Variants in ERFE observed in about 807,000 individuals in gnomAD.
The protein encoded by ERFE is erythroferrone, also known as complement C1q tumor necrosis factor-related protein 15.
Under a neutral mutation model 26.6 loss-of-function variants are expected in ERFE, and 25 were observed. That is an observed-to-expected ratio of 0.94 (90% CI 0.69 to 1.31). The LOEUF is 1.31. Among genes scored for constraint, ERFE ranks in the 40% most tolerant of loss-of-function variants. The pLI is 0.00. For missense variants in ERFE, 447 were observed against 440.2 expected (o/e 1.02, Z -0.14); for synonymous variants, 206 against 204.5 (o/e 1.01, Z -0.06).
intron 4 of ERFE, 21 bp downstream of exon 4, chr2:238,164,020 G>C (rs1692986034): frequency 4.4e-6 from 6 of 1,374,986 alleles, no homozygotes; most frequent in Non-Finnish European, 5.6e-6. Context: ...GCGCGCGGGA[G>C]GGCGGGTGAG....
Position 238,167,233 on chromosome 2 carries a change from G to C in ERFE, c.*179G>C. The C allele has an allele frequency of 1.4e-6, 1 of 730,634 alleles. No homozygotes were observed. Among genetic ancestry groups the C allele is most frequent in the Non-Finnish European group, 2.4e-6 (1 of 411,424 alleles). 45.3% of individuals were successfully genotyped at this position (730,634 alleles called of 1,614,324 possible). A position where few individuals can be genotyped will look rare whatever the true frequency, so the allele number is the denominator to read the frequency against. On this transcript the variant is annotated 3_prime_UTR_variant, in exon 8 of 8. Transcript: ENST00000546354. Reference sequence around the variant, plus strand: ...GCAGGCAGGCCTACGGACGTGACACGCACGCTGGTGGTCCCGGAGCCAGGG... The same window carrying C: ...GCAGGCAGGCCTACGGACGTGACACCCACGCTGGTGGTCCCGGAGCCAGGG...
chr2:238,166,984 A>G lies in ERFE; in HGVS notation c.995A>G (p.Asp332Gly). Reference protein sequence around the residue: ...QMGQWTSVFLDNASGCSLTVR... With the variant: ...QMGQWTSVFLGNASGCSLTVR... The stretch of plus-strand genomic sequence containing the variant: ...GGGCAGTGGACCTCCGTGTTCTTGG[A>G]CAACGCCAGCGGCTGCTCCCTCACA... Residue 332 changes from aspartate (D) to glycine (G), a missense_variant, in exon 8 of 8, where the codon GAC becomes GGC. Asp to Gly is a moderately conservative substitution (Grantham distance 94). Coordinates refer to ENST00000546354, the MANE Select transcript of ERFE (RefSeq NM_001291832.2). 1 of 1,550,536 alleles carries G rather than the reference A, an allele frequency of 6.4e-7. No homozygotes were observed. Among genetic ancestry groups the G allele is most frequent in the South Asian group, 1.2e-5 (1 of 84,068 alleles).
chr2:238,161,442 C>T (rs961505380), intron 1 of ERFE, among the ~76,000 whole-genome samples, 152 bp from the exon 2 acceptor site: 2 of 152,146 alleles, frequency 1.3e-5, no homozygotes, highest in Admixed American at 1.3e-4. Flanking sequence ...GGGTTGGGGC[C>T]CCTTTGGGAG....
chr2:238,161,565 A>G, intron 1 of ERFE, 29 bp from the exon 2 acceptor site: 3 of 1,507,052 alleles, frequency 2.0e-6, no homozygotes, highest in South Asian at 1.2e-5. Flanking sequence ...AGTGAGGCCA[A>G]CCGCCCTGCT....
At chr2:238,163,152 G>A (rs13415808) in intron 3 of ERFE, among the ~76,000 whole-genome samples, 10,393 of 152,270 alleles carry the variant, frequency 0.068, 538 homozygotes, top group African/African-American at 0.15. Flanking sequence ...TGCCCTGCCT[G>A]GAAGTCAGGA....
rs1479675187 is a variant in ERFE, at chr2:238,168,698, T to C, written c.*1644T>C. ...GGCTGGCCTGGGTACTGCATCCGTG[T>C]GTTTTGATAAGGGGGTGATGTGGCC... On this transcript the variant is annotated 3_prime_UTR_variant, in exon 8 of 8. Coordinates refer to ENST00000546354, the MANE Select transcript of ERFE (RefSeq NM_001291832.2). 3.2e-6 allele frequency: 1 copy of C among 311,510 alleles called. No homozygotes were observed. The highest frequency in any genetic ancestry group is 6.4e-6 in the Non-Finnish European group (1 of 155,840). 19.3% of individuals were successfully genotyped at this position (311,510 alleles called of 1,614,324 possible).
intron 7 of ERFE, among the ~76,000 whole-genome samples, chr2:238,166,046 C>T (rs1693030676): frequency 6.6e-6 from 1 of 152,216 alleles, no homozygotes; most frequent in Non-Finnish European, 1.5e-5. Context: ...GGAATGGAGG[C>T]CAGCACTCTG....
Position 238,167,388 on chromosome 2 carries a change from G to A in ERFE, c.*334G>A, listed in dbSNP as rs777752247. ...CTCAGCACCTGCCCAGATGGCCTCT[G>A]CGTCTTTCCTGTGCCCAGCCCCACC... On this transcript the variant is annotated 3_prime_UTR_variant, in exon 8 of 8. Coordinates refer to ENST00000546354, the MANE Select transcript of ERFE (RefSeq NM_001291832.2). 4 of 586,884 alleles carry A rather than the reference G, an allele frequency of 6.8e-6. No homozygotes were observed. The highest frequency in any genetic ancestry group is 2.6e-4 in the Middle Eastern group (1 of 3,812). 36.4% of individuals were successfully genotyped at this position (586,884 alleles called of 1,614,324 possible).
Position 238,165,593 on chromosome 2 carries a change from G to A in ERFE, c.888-13G>A, listed in dbSNP as rs1212515790. The A allele has an allele frequency of 1.3e-5, 20 of 1,543,768 alleles. No homozygotes were observed. Among genetic ancestry groups the A allele is most frequent in the Middle Eastern group, 1.7e-4 (1 of 5,940 alleles). ...CATGGGGCAGGCTGACCCTCCCTCT[G>A]TTTTGGGTACAGCTCCCTGGAGGCC... On this transcript the variant is annotated splice_polypyrimidine_tract_variant and intron_variant, in intron 6 of 7. Coordinates refer to ENST00000546354, the MANE Select transcript of ERFE (RefSeq NM_001291832.2).
chr2:238,161,358 A>G (rs1692935895), intron 1 of ERFE, among the ~76,000 whole-genome samples: 2 of 152,182 alleles, frequency 1.3e-5, no homozygotes, highest in African/African-American at 4.8e-5. Flanking sequence ...CTCTCCCATG[A>G]GTGCCAAGTC....
At position 238,159,067 on chromosome 2, in the gene ERFE, G is replaced by GGCCGCC. The variant is rs1377321778; in HGVS notation, c.69_74dup (p.Ala24_Ala25dup). On this transcript the variant is annotated inframe_insertion, in exon 1 of 8. Coordinates refer to ENST00000546354, the MANE Select transcript of ERFE (RefSeq NM_001291832.2). ...TGCTGCTCGTCTACGCGGGCCTGCT[G>GGCCGCC]GCCGCCGCCGCCGCGGGCCTGGGGT... is the stretch of plus-strand genomic sequence containing the variant. 4.2e-6 allele frequency: 1 copy of GGCCGCC among 237,060 alleles called. No individual in the cohort carries two copies. Among genetic ancestry groups the GGCCGCC allele is most frequent in the Admixed American group, 5.7e-5 (1 of 17,550 alleles). 14.7% of individuals were successfully genotyped at this position (237,060 alleles called of 1,614,324 possible). A position where few individuals can be genotyped will look rare whatever the true frequency, so the allele number is the denominator to read the frequency against.
chr2:238,167,292 G>C lies in ERFE; in HGVS notation c.*238G>C, dbSNP rs1559283506. The stretch of plus-strand genomic sequence containing the variant: ...GGACACCATCTTGGGCTCTTATCCA[G>C]GAAAGAAAGAGTCGGCGTGCCTGGG... On this transcript the variant is annotated 3_prime_UTR_variant, in exon 8 of 8. Coordinates refer to ENST00000546354, the MANE Select transcript of ERFE (RefSeq NM_001291832.2). The C allele has an allele frequency of 7.1e-6, 5 of 699,834 alleles. No individual in the cohort carries two copies. Among genetic ancestry groups the C allele is most frequent in the Non-Finnish European group, 1.3e-5 (5 of 383,986 alleles). The allele number at this position is 699,834 out of a possible 1,614,324, so 43.4% of individuals were successfully genotyped here. A position where few individuals can be genotyped will look rare whatever the true frequency, so the allele number is the denominator to read the frequency against.
In ERFE at chr2:238,161,638, C is replaced by A. The variant is rs1225595833; in HGVS notation, c.243C>A (p.Ala81=). 1.9e-6 allele frequency: 3 copies of A among 1,547,228 alleles called. No homozygotes were observed. Among genetic ancestry groups the A allele is most frequent in the Non-Finnish European group, 1.7e-6 (2 of 1,144,344 alleles). ...ERAHSVDPRD[A]WMLFVRQSDK... ...CACACAGCGTCGACCCCCGGGACGC[C>A]TGGATGCTCTTCGTCAGGCAGAGTG... The change falls in exon 2 of 8, where the codon GCC becomes GCA. Residue 81 remains alanine (A), a synonymous_variant. Coordinates refer to ENST00000546354, the MANE Select transcript of ERFE (RefSeq NM_001291832.2).
At position 238,161,644 on chromosome 2, in the gene ERFE, GCT is replaced by G; in HGVS notation, c.252_253del (p.Phe85ArgfsTer5). ...GCGTCGACCCCCGGGACGCCTGGAT[GCT>G]CTTCGTCAGGCAGAGTGACAAGGGT... ...HSVDPRDAWM[L>X]FVRQSDKGVN... is the part of the protein sequence containing the mutation. On this transcript the variant is annotated frameshift_variant, in exon 2 of 8. Coordinates refer to ENST00000546354, the MANE Select transcript of ERFE (RefSeq NM_001291832.2). LOFTEE classifies it high-confidence loss of function. 1 of 1,547,426 alleles carries G rather than the reference GCT, an allele frequency of 6.5e-7. No individual in the cohort carries two copies.
chr2:238,161,789 T>C (rs1053428574), intron 2 of ERFE, 73 bp downstream of exon 2: 1 of 1,467,204 alleles, frequency 6.8e-7, no homozygotes. Context: ...CTCCCACTCC[T>C]ACATCCTGAA....
rs1574770506 is a variant in ERFE at position 238,166,976 on chromosome 2, G to A, written c.987G>A (p.Val329=). 6.4e-7 allele frequency: 1 copy of A among 1,550,536 alleles called. No individual in the cohort carries two copies. Among genetic ancestry groups the A allele is most frequent in the East Asian group, 2.4e-5 (1 of 40,924 alleles). ...TGCAGATGGGGCAGTGGACCTCCGT[G>A]TTCTTGGACAACGCCAGCGGCTGCT... The part of the protein sequence containing the change: ...LYLQMGQWTS[V]FLDNASGCSL... Residue 329 remains valine, a synonymous_variant, in exon 8 of 8, where the codon GTG becomes GTA. Coordinates refer to ENST00000546354, the MANE Select transcript of ERFE (RefSeq NM_001291832.2).
Position 238,161,732 on chromosome 2 carries a change from C to T in ERFE, c.321+16C>T, listed in dbSNP as rs1389602473. 1.0e-4 allele frequency: 157 copies of T among 1,536,374 alleles called. No homozygotes were observed. Among genetic ancestry groups the T allele is most frequent in the Middle Eastern group, 1.7e-4 (1 of 5,972 alleles). On this transcript the variant is annotated intron_variant, in intron 2 of 7. Coordinates refer to ENST00000546354, the MANE Select transcript of ERFE (RefSeq NM_001291832.2). ...GAAGCTGAAGGTGAGGCCGGCATCC[C>T]GTCAGTGCCAGGCCGTGGGGGGTTC... is the stretch of plus-strand genomic sequence containing the variant.
Position 238,161,033 on chromosome 2 carries a change from A to G in ERFE, c.199-561A>G, listed in dbSNP as rs930076554. Among the ~76,000 whole-genome samples, 24 of 152,358 alleles carry G rather than the reference A, an allele frequency of 1.6e-4. No individual in the cohort carries two copies. In the South Asian group the frequency reaches 2.5e-3, roughly 16 times the overall value. ...AAGTCTCACACAGAGGCCTCGCGTC[A>G]TGACAGCTCGCCTGGTCCTCTCCCC... On this transcript the variant is annotated intron_variant, in intron 1 of 7. Coordinates refer to ENST00000546354, the MANE Select transcript of ERFE (RefSeq NM_001291832.2).
rs1447553416 is a variant in ERFE, at chr2:238,167,032, G to A, written c.1043G>A (p.Ser348Asn). Residue 348 changes from serine to asparagine, a missense_variant, in exon 8 of 8, where the codon AGT (serine) becomes AAT (asparagine). Transcript: ENST00000546354. Reference sequence around the variant, plus strand: ...ACAGTGCGCAGTGGCTCCCACTTCAGTGCTGTCCTCCTGGGCGTGTGAGCG... The same window carrying A: ...ACAGTGCGCAGTGGCTCCCACTTCAATGCTGTCCTCCTGGGCGTGTGAGCG... ...SLTVRSGSHF[S>N]AVLLGV 6.4e-7 allele frequency: 1 copy of A among 1,550,494 alleles called. No homozygotes were observed. The highest frequency in any genetic ancestry group is 8.7e-7 in the Non-Finnish European group (1 of 1,146,994).
Sources: allele counts gnomAD v4.1 joint callset (sites outside exome capture counted in the v4.1 genomes callset), GRCh38; gene constraint gnomAD v4.1.1; transcripts MANE v1.5; gene names NCBI Gene and HGNC (gene_info 2026-07-23, HGNC 2026-07-21).